The following KAZN variants were observed in gnomAD, a reference collection of about 807,000 sequenced individuals.
KAZN encodes kazrin.
Under a neutral mutation model 87.4 loss-of-function variants are expected in KAZN, and 40 were observed. The ratio of observed to expected loss-of-function variants is 0.46; its 90% CI spans 0.36 to 0.60. The LOEUF (loss-of-function observed/expected upper bound fraction) is 0.60. Ranked by LOEUF, KAZN falls within the 20% of genes least tolerant of loss-of-function variation. KAZN has a pLI of 0.00. For synonymous variants in KAZN, 466 were observed against 458.3 expected (o/e 1.02, Z -0.22); for missense variants, 898 against 1,073.9 (o/e 0.84, Z 2.29).
chr1:14,806,509 T>C (rs1254811213), intron 1 of KAZN, among the ~76,000 whole-genome samples: 2 of 152,170 alleles, frequency 1.3e-5, no homozygotes, highest in Non-Finnish European at 2.9e-5. Flanking sequence ...AGAACACCAA[T>C]GAGGGGTTGA....
chr1:14,416,148 G>C (rs956282809), intron 2 of KAZN, among the ~76,000 whole-genome samples: 1 of 152,202 alleles, frequency 6.6e-6, no homozygotes, highest in African/African-American at 2.4e-5. Context: ...TGGGGCTGTA[G>C]TAGCATTTGC....
At chr1:14,930,539 C>T (rs147247809) in intron 1 of KAZN, among the ~76,000 whole-genome samples, 31 of 152,290 alleles carry the variant, frequency 2.0e-4, no homozygotes, top group African/African-American at 5.8e-4. Context: ...GACTGAGGGC[C>T]GAGCAGGAAC....
intron 2 of KAZN, among the ~76,000 whole-genome samples, chr1:14,252,606 C>T (rs894121006): frequency 1.3e-5 from 2 of 152,136 alleles, no homozygotes; most frequent in Non-Finnish European, 2.9e-5. Context: ...TGGGGTTGCT[C>T]TGTTGGTATA....
At chr1:14,005,295 A>G (rs1341012705) in intron 1 of KAZN, among the ~76,000 whole-genome samples, 1 of 152,164 alleles carries the variant, frequency 6.6e-6, no homozygotes, top group African/African-American at 2.4e-5. Flanking sequence ...GAAATAGCAA[A>G]TTAGGTTCAA....
At chr1:14,280,733 C>T (rs1652787591) in intron 2 of KAZN, among the ~76,000 whole-genome samples, 1 of 152,198 alleles carries the variant, frequency 6.6e-6, no homozygotes, top group South Asian at 2.1e-4. Flanking sequence ...TCCTGGGAAA[C>T]TATTACAAAT....
intron 2 of KAZN, among the ~76,000 whole-genome samples, chr1:14,300,985 G>GGAAA (rs1249093380): frequency 6.6e-6 from 1 of 152,112 alleles, no homozygotes; most frequent in African/African-American, 2.4e-5. Context: ...CAGAGTCTTG[G>GGAAA]GAAAGAAACC....
At chr1:14,268,331 G>A (rs192354148) in intron 2 of KAZN, among the ~76,000 whole-genome samples, 46 of 152,278 alleles carry the variant, frequency 3.0e-4, no homozygotes, top group African/African-American at 1.1e-3. Flanking sequence ...ACATAGGGCC[G>A]ACTCATATCC....
Position 14,523,615 on chromosome 1 carries a change from A to G in KAZN, c.250-75368A>G, listed in dbSNP as rs190826606. On this transcript the variant is annotated intron_variant, in intron 2 of 16. Coordinates refer to the KAZN transcript ENST00000636203. ...TCTAGTGAATCCCAGCACTTCCTTC[A>G]CTTTCTCTCCTAGTTCCATTCCCAA... is the stretch of plus-strand genomic sequence containing the variant. Among the ~76,000 whole-genome samples the G allele has an allele frequency of 1.6e-3, 236 of 152,192 alleles. 3 individuals carry two copies. Among genetic ancestry groups the G allele is most frequent in the South Asian group, 2.7e-3 (13 of 4,798 alleles).
At chr1:14,614,487 TG>T (rs1025287374) in intron 1 of KAZN, among the ~76,000 whole-genome samples, 1 of 152,236 alleles carries the variant, frequency 6.6e-6, no homozygotes, top group Non-Finnish European at 1.5e-5. Flanking sequence ...TTGCTAAGGA[TG>T]AGAGCTCTGC....
intron 1 of KAZN, among the ~76,000 whole-genome samples, chr1:14,955,408 G>A (rs1662971030): frequency 6.6e-6 from 1 of 152,256 alleles, no homozygotes; most frequent in African/African-American, 2.4e-5. Context: ...TGCTCTTGGA[G>A]CTTAGGCTGA....
intron 2 of KAZN, among the ~76,000 whole-genome samples, chr1:14,488,667 C>G (rs1050511595): frequency 3.3e-5 from 5 of 152,190 alleles, no homozygotes; most frequent in African/African-American, 1.2e-4. Flanking sequence ...ACCCCTTCCT[C>G]CAACCACACA....
chr1:14,540,439 A>G (rs1228241967), intron 2 of KAZN, among the ~76,000 whole-genome samples: 2 of 152,172 alleles, frequency 1.3e-5, no homozygotes, highest in African/African-American at 4.8e-5. Context: ...CTGTAAACAC[A>G]AATGCCTTCG....
At chr1:14,275,033 ATG>A (rs1256437103) in intron 2 of KAZN, among the ~76,000 whole-genome samples, 1 of 152,170 alleles carries the variant, frequency 6.6e-6, no homozygotes, top group African/African-American at 2.4e-5. Context: ...ATTTATAAAA[ATG>A]TGACTCTATG....
chr1:14,474,255 G>A (rs892704887), intron 2 of KAZN, among the ~76,000 whole-genome samples: 1 of 152,078 alleles, frequency 6.6e-6, no homozygotes, highest in Admixed American at 6.6e-5. Context: ...TTAGGGAAAG[G>A]AGAATAGACA....
chr1:14,046,111 G>A (rs921791184), intron 1 of KAZN, among the ~76,000 whole-genome samples: 8 of 152,194 alleles, frequency 5.3e-5, no homozygotes, highest in East Asian at 3.9e-4. Context: ...GGAAATCACC[G>A]GCAGTTTGAT....
At chr1:14,019,400 G>A (rs889798485) in intron 1 of KAZN, among the ~76,000 whole-genome samples, 4 of 152,150 alleles carry the variant, frequency 2.6e-5, no homozygotes, top group East Asian at 3.9e-4. Flanking sequence ...CATGAAGACC[G>A]AGTACAGCAT....
intron 1 of KAZN, among the ~76,000 whole-genome samples, chr1:14,803,805 T>C (rs112753676): frequency 1.3e-5 from 2 of 152,260 alleles, no homozygotes; most frequent in Admixed American, 1.3e-4. Flanking sequence ...CTGGAGCCAC[T>C]GGATGTGGTC....
chr1:14,828,081 T>C (rs906343928), intron 1 of KAZN, among the ~76,000 whole-genome samples: 2 of 152,212 alleles, frequency 1.3e-5, no homozygotes, highest in Non-Finnish European at 2.9e-5. Context: ...GTGGCAGACA[T>C]ACACAATCAA....
At chr1:14,642,195 C>T (rs566709702) in intron 1 of KAZN, among the ~76,000 whole-genome samples, 1 of 152,136 alleles carries the variant, frequency 6.6e-6, no homozygotes, top group African/African-American at 2.4e-5. Context: ...CTCGGGAGAT[C>T]GAGACCATCC....
Sources: allele counts gnomAD v4.1 joint callset (sites outside exome capture counted in the v4.1 genomes callset), GRCh38; gene constraint gnomAD v4.1.1; transcripts MANE v1.5; gene names NCBI Gene and HGNC (gene_info 2026-07-23, HGNC 2026-07-21).